The following SLC4A4 variants were observed in gnomAD, a reference collection of about 807,000 sequenced individuals.
SLC4A4 encodes solute carrier family 4 member 4.
Under a neutral mutation model 111.5 loss-of-function variants are expected in SLC4A4, and 27 were observed. The ratio of observed to expected loss-of-function variants is 0.24; its 90% CI spans 0.18 to 0.33. The LOEUF is 0.33. SLC4A4 is among the 10% of genes least tolerant of loss of function. The pLI, the probability that SLC4A4 is intolerant of heterozygous loss-of-function variation, is 1.00. For missense variants in SLC4A4, 909 were observed against 1,315.5 expected (o/e 0.69, Z 4.78); for synonymous variants, 443 against 463.4 (o/e 0.96, Z 0.57).
intron 16 of SLC4A4, among the ~76,000 whole-genome samples, chr4:71,522,280 A>C (rs1733012035): frequency 6.6e-6 from 1 of 152,216 alleles, no homozygotes; most frequent in South Asian, 2.1e-4. Context: ...GGAATATCAC[A>C]GCATAATCTG....
chr4:71,127,820 C>G (rs1309559564), intron 2 of SLC4A4, among the ~76,000 whole-genome samples: 1 of 152,086 alleles, frequency 6.6e-6, no homozygotes, highest in Admixed American at 6.6e-5. Context: ...ATAAGATGTA[C>G]AATTCAAAGT....
chr4:71,159,838 A>G (rs557348193), intron 2 of SLC4A4, among the ~76,000 whole-genome samples: 2 of 152,300 alleles, frequency 1.3e-5, no homozygotes, highest in African/African-American at 4.8e-5. Context: ...ATAGTTTCCA[A>G]TGCATTTGGT....
chr4:71,276,875 T>G (rs1693731415), intron 3 of SLC4A4, among the ~76,000 whole-genome samples: 1 of 151,866 alleles, frequency 6.6e-6, no homozygotes, highest in African/African-American at 2.4e-5. Context: ...TGGCAAAACC[T>G]TGTCTCTACA....
intron 15 of SLC4A4, among the ~76,000 whole-genome samples, chr4:71,488,813 C>A (rs1578025047): frequency 6.6e-6 from 1 of 150,970 alleles, no homozygotes. Flanking sequence ...CCTTCATATG[C>A]ATCAATTGCA....
At chr4:71,534,179 T>C in intron 17 of SLC4A4, 48 bp from the exon 18 acceptor site, 1 of 1,570,518 alleles carries the variant, frequency 6.4e-7, no homozygotes, top group East Asian at 2.2e-5. Context: ...CCAAATAGTA[T>C]ATATTAACCT....
chr4:71,341,597 A>G lies in SLC4A4; in HGVS notation c.389+2092A>G, dbSNP rs374191899. The stretch of plus-strand genomic sequence containing the variant: ...TCTGAGGCATACTTTAAAATTTCTT[A>G]CATCATACCACTTGTAATCAAGTGT... On this transcript the variant is annotated intron_variant, in intron 4 of 25. Coordinates refer to ENST00000264485, the MANE Select transcript of SLC4A4 (RefSeq NM_001098484.3). 9.8e-5 allele frequency among the ~76,000 whole-genome samples: 15 copies of G among 152,296 alleles called. No homozygotes were observed. The East Asian group carries it at 1.5e-3, about 16-fold the overall frequency.
intron 18 of SLC4A4, among the ~76,000 whole-genome samples, chr4:71,536,555 G>C (rs1315705544): frequency 1.4e-5 from 2 of 146,188 alleles, no homozygotes; most frequent in African/African-American, 2.5e-5. Flanking sequence ...GGAGTGCAGT[G>C]GCTTGATCTC....
intron 14 of SLC4A4, among the ~76,000 whole-genome samples, chr4:71,486,743 A>C (rs894424190): frequency 6.6e-6 from 1 of 151,208 alleles, no homozygotes; most frequent in African/African-American, 2.4e-5. Context: ...TTATCAGATT[A>C]GAGCACAGCA....
At chr4:71,532,342 A>C (rs1433035991) in intron 17 of SLC4A4, among the ~76,000 whole-genome samples, 167 bp downstream of exon 17, 1 of 152,054 alleles carries the variant, frequency 6.6e-6, no homozygotes, top group East Asian at 1.9e-4. Flanking sequence ...TAATTTCTTC[A>C]CTACAATTAA....
intron 1 of SLC4A4, among the ~76,000 whole-genome samples, chr4:71,086,992 T>C (rs1357181819): frequency 2.6e-5 from 4 of 151,994 alleles, no homozygotes; most frequent in African/African-American, 4.8e-5. Context: ...ACCAGCTCCT[T>C]CTTGTACCTC....
intron 2 of SLC4A4, among the ~76,000 whole-genome samples, chr4:71,123,853 A>G (rs1311981051): frequency 6.6e-6 from 1 of 152,198 alleles, no homozygotes; most frequent in East Asian, 1.9e-4. Context: ...ACTGATGTTT[A>G]AAAATTTGCT....
chr4:71,170,326 T>C (rs942077421), intron 2 of SLC4A4, among the ~76,000 whole-genome samples: 7 of 152,212 alleles, frequency 4.6e-5, no homozygotes, highest in African/African-American at 1.2e-4. Context: ...TTGTGTATAA[T>C]AGGCATTCCA....
intron 6 of SLC4A4, among the ~76,000 whole-genome samples, chr4:71,363,151 A>G (rs1015744339): frequency 6.6e-6 from 1 of 152,178 alleles, no homozygotes; most frequent in South Asian, 2.1e-4. Flanking sequence ...TTAAAAGCAT[A>G]GTCTATTGCT....
chr4:71,538,434 A>G (rs1187732090), intron 18 of SLC4A4, among the ~76,000 whole-genome samples: 1 of 152,148 alleles, frequency 6.6e-6, no homozygotes, highest in Non-Finnish European at 1.5e-5. Context: ...GAGTTATGGA[A>G]TAGGTGTCAG....
At chr4:71,331,421 G>T (rs1198414003) in intron 3 of SLC4A4, among the ~76,000 whole-genome samples, 5 of 152,154 alleles carry the variant, frequency 3.3e-5, no homozygotes, top group African/African-American at 4.8e-5. Context: ...ATGAGTTCAT[G>T]TCCTTTGTAG....
At chr4:71,383,002 C>A (rs575011855) in intron 6 of SLC4A4, among the ~76,000 whole-genome samples, 5 of 152,288 alleles carry the variant, frequency 3.3e-5, no homozygotes, top group African/African-American at 1.2e-4. Context: ...TGCACCTTTG[C>A]CCACTGGCTT....
chr4:71,425,889 A>T (rs1560498216), intron 7 of SLC4A4, among the ~76,000 whole-genome samples: 1 of 152,070 alleles, frequency 6.6e-6, no homozygotes, highest in Non-Finnish European at 1.5e-5. Flanking sequence ...GAGAGAATAG[A>T]TTATAAATGT....
chr4:71,457,696 A>T (rs1051697350), intron 12 of SLC4A4, among the ~76,000 whole-genome samples: 9 of 152,110 alleles, frequency 5.9e-5, no homozygotes, highest in African/African-American at 2.2e-4. Flanking sequence ...TTACCATCCT[A>T]AATAACGTGT....
chr4:71,425,008 A>T (rs72650348), intron 7 of SLC4A4, among the ~76,000 whole-genome samples: 3,277 of 152,186 alleles, frequency 0.022, 58 homozygotes, highest in Non-Finnish European at 0.033. Context: ...AAAAAAAAGA[A>T]TAAAAGGTAA....
Sources: allele counts gnomAD v4.1 joint callset (sites outside exome capture counted in the v4.1 genomes callset), GRCh38; gene constraint gnomAD v4.1.1; transcripts MANE v1.5; gene names NCBI Gene and HGNC (gene_info 2026-07-23, HGNC 2026-07-21).